SPECC1L: variants seen among roughly 807,000 people sequenced by gnomAD.
SPECC1L encodes the protein sperm antigen with calponin homology and coiled-coil domains 1 like, also known as cytospin-A.
SPECC1L carries 40 observed loss-of-function variants against 116.8 expected under a neutral mutation model. The observed-to-expected ratio is 0.34, with a 90% CI of 0.27 to 0.45. SPECC1L has a LOEUF of 0.45. Among genes scored for constraint, SPECC1L ranks in the 20% least tolerant of loss-of-function variants. The pLI, the probability that SPECC1L is intolerant of heterozygous loss-of-function variation, is 1.00. For missense variants in SPECC1L, 1,110 were observed against 1,373.6 expected (o/e 0.81, Z 3.03); for synonymous variants, 504 against 500.6 (o/e 1.01, Z -0.09).
rs1601550558 is a variant in SPECC1L, at chr22:24,321,140, A to T, written c.308-148A>T. ...CTGGTTTTGAAGAAATTGAACTTTA[A>T]CAGACTCTAAGGCAAGATTATTGTA... On this transcript the variant is annotated intron_variant, in intron 4 of 16. Transcript: ENST00000314328. 18 of 881,392 alleles carry T rather than the reference A, an allele frequency of 2.0e-5. No homozygotes were observed. In the East Asian group the frequency reaches 3.9e-4, roughly 19 times the overall value. The allele number at this position is 881,392 out of a possible 1,614,324, so 54.6% of individuals were successfully genotyped here.
intron 11 of SPECC1L, among the ~76,000 whole-genome samples, chr22:24,360,342 C>T (rs1296419375): frequency 6.6e-6 from 1 of 152,204 alleles, no homozygotes; most frequent in African/African-American, 2.4e-5. Context: ...ATGGCAGCAG[C>T]CTGGATTGTG....
intron 10 of SPECC1L, among the ~76,000 whole-genome samples, chr22:24,344,592 CAAA>C (rs35725042): frequency 0.012 from 1,451 of 117,918 alleles, 8 homozygotes; most frequent in South Asian, 0.014. Flanking sequence ...TGCATAAGAC[CAAA>C]AAAAAAAAAA....
At chr22:24,349,342 T>C (rs919400775) in intron 11 of SPECC1L, among the ~76,000 whole-genome samples, 9 of 152,212 alleles carry the variant, frequency 5.9e-5, no homozygotes, top group Admixed American at 3.3e-4. Context: ...GCACCCGGCC[T>C]GGCTTTTCTC....
rs940360574 is a variant in SPECC1L, at chr22:24,321,570, T to C, written c.590T>C (p.Val197Ala). ...DLLTLAKTKD[V>A]EILHLRNELR... ...CTCACGCTGGCAAAAACCAAAGACG[T>C]AGAAATTTTACATTTGAGAAATGAA... The change falls in exon 5 of 17, where the codon GTA becomes GCA. Residue 197 changes from valine to alanine, a missense_variant. Val to Ala is a moderately conservative substitution (Grantham distance 64). This residue lies in a region of SPECC1L where 437 missense variants were observed against 482.6 expected (regional missense o/e 0.91). Transcript: ENST00000314328. 4.3e-6 allele frequency: 7 copies of C among 1,614,186 alleles called. No homozygotes were observed. The highest frequency in any genetic ancestry group is 1.3e-5 in the African/African-American group (1 of 75,054).
chr22:24,301,060 A>C (rs2049367279), intron 2 of SPECC1L, among the ~76,000 whole-genome samples: 1 of 152,208 alleles, frequency 6.6e-6, no homozygotes, highest in Admixed American at 6.5e-5. Context: ...GCATGGGCAA[A>C]GACTTCCATG....
At chr22:24,277,949 T>C (rs2048869182) in intron 2 of SPECC1L, among the ~76,000 whole-genome samples, 1 of 152,274 alleles carries the variant, frequency 6.6e-6, no homozygotes, top group Non-Finnish European at 1.5e-5. Flanking sequence ...TTAAACACTT[T>C]GAGAAACTGC....
chr22:24,342,979 G>GC (rs2041210121), intron 10 of SPECC1L, among the ~76,000 whole-genome samples: 6 of 152,210 alleles, frequency 3.9e-5, no homozygotes, highest in Admixed American at 3.3e-4. Context: ...GATCACCTGA[G>GC]CTCAGGAGTT....
chr22:24,327,579 A>G (rs912961096), intron 6 of SPECC1L, among the ~76,000 whole-genome samples: 1 of 152,178 alleles, frequency 6.6e-6, no homozygotes, highest in Admixed American at 6.5e-5. Flanking sequence ...TTATTTACCC[A>G]GAAACACTAA....
At chr22:24,371,038 C>A (rs1386419024) in intron 14 of SPECC1L, among the ~76,000 whole-genome samples, 3 of 152,018 alleles carry the variant, frequency 2.0e-5, no homozygotes, top group Middle Eastern at 3.4e-3. Context: ...TGCCACTGAA[C>A]CGTATAATTA....
At chr22:24,307,239 G>A (rs1388696289) in intron 3 of SPECC1L, among the ~76,000 whole-genome samples, 9 of 152,154 alleles carry the variant, frequency 5.9e-5, no homozygotes, top group Non-Finnish European at 1.0e-4. Context: ...ATTGTTTCTC[G>A]CTGCTAGCAG....
At position 24,291,532 on chromosome 22, in the gene SPECC1L, T is replaced by G. The variant is rs182204672; in HGVS notation, c.-37-10663T>G. Among the ~76,000 whole-genome samples, 298 of 152,364 alleles carry G rather than the reference T, an allele frequency of 2.0e-3. 1 individual carries two copies. The highest frequency in any genetic ancestry group is 7.0e-3 in the African/African-American group (291 of 41,586). ...ATAAGTAGTAGGTAAAAACAATCTT[T>G]AGTCATTCCTTATAAAGGGTTTCTT... On this transcript the variant is annotated intron_variant, in intron 2 of 16. Coordinates refer to ENST00000314328, the MANE Select transcript of SPECC1L (RefSeq NM_015330.6).
At position 24,365,617 on chromosome 22, in the gene SPECC1L, C is replaced by T. The variant is rs1320390004; in HGVS notation, c.2969C>T (p.Thr990Ile). ...SSPTASVTPTTRSRIREERKD... is the reference protein window; with the variant it reads ...SSPTASVTPTIRSRIREERKD... ...CCAACGGCATCTGTGACTCCCACCA[C>T]CCGAAGCCGAATAAGGTAGAGAACA... is the stretch of plus-strand genomic sequence containing the variant. Residue 990 changes from threonine (T) to isoleucine (I), a missense_variant, in exon 13 of 17, where the codon ACC (threonine) becomes ATC (isoleucine). Thr to Ile is a moderately conservative substitution (Grantham distance 89). Around this residue, in one of 4 missense-constraint regions of SPECC1L, gnomAD observed 575 missense variants for 682.4 expected, o/e 0.84. Transcript: ENST00000314328. 1.2e-6 allele frequency: 2 copies of T among 1,614,062 alleles called. No homozygotes were observed. The highest frequency in any genetic ancestry group is 1.7e-6 in the Non-Finnish European group (2 of 1,180,046).
Position 24,390,871 on chromosome 22 carries a change from TC to T in SPECC1L, c.3088-20716del, listed in dbSNP as rs1318748553. On this transcript the variant is annotated intron_variant, in intron 14 of 16. Coordinates refer to ENST00000314328, the MANE Select transcript of SPECC1L (RefSeq NM_015330.6). ...GTGTTCCTTTTTTTTTTTTTTCTTT[TC>T]TTTTTTTTTTTTTTTTTTTTTTTTT... is the stretch of plus-strand genomic sequence containing the variant. 9.7e-3 allele frequency among the ~76,000 whole-genome samples: 1,136 copies of T among 117,452 alleles called. 29 individuals carry two copies. The highest frequency in any genetic ancestry group is 0.012 in the Non-Finnish European group (688 of 58,604). The allele number at this position is 117,452 out of a possible 152,430, so 77.1% of individuals were successfully genotyped here. A position where few individuals can be genotyped will look rare whatever the true frequency, so the allele number is the denominator to read the frequency against.
intron 3 of SPECC1L, 126 bp from the exon 4 acceptor site, chr22:24,313,187 A>G (rs2040494532): frequency 1.1e-6 from 1 of 896,848 alleles, no homozygotes. Flanking sequence ...GCTGCTTACT[A>G]CCTGTCAGAT....
chr22:24,401,945 A>G (rs1319400629), intron 14 of SPECC1L, among the ~76,000 whole-genome samples: 1 of 152,160 alleles, frequency 6.6e-6, no homozygotes, highest in Non-Finnish European at 1.5e-5. Context: ...AAAGACATGC[A>G]GGGCTTATCT....
intron 6 of SPECC1L, 145 bp downstream of exon 6, chr22:24,324,572 T>A: frequency 6.8e-6 from 5 of 731,456 alleles, no homozygotes; most frequent in Non-Finnish European, 1.2e-5. Flanking sequence ...CGAACCAGGC[T>A]GGGCACAGTG....
At chr22:24,280,658 G>A (rs1398293209) in intron 2 of SPECC1L, among the ~76,000 whole-genome samples, 1 of 146,656 alleles carries the variant, frequency 6.8e-6, no homozygotes, top group South Asian at 2.1e-4. Flanking sequence ...GCTTATTACA[G>A]CCCTGACTTC....
Position 24,317,726 on chromosome 22 carries a change from G to A in SPECC1L, c.308-3562G>A, listed in dbSNP as rs868072119. On this transcript the variant is annotated intron_variant, in intron 4 of 16. Transcript: ENST00000314328. ...CAGAGATGCTCCTCACTTCCCAGAC[G>A]GGGTGGCTGCCGGGCGGAGGGGCTC... 3.1e-3 allele frequency among the ~76,000 whole-genome samples: 464 copies of A among 151,710 alleles called. 1 individual carries two copies. Among genetic ancestry groups the A allele is most frequent in the Middle Eastern group, 6.8e-3 (2 of 292 alleles).
At chr22:24,380,540 A>G (rs2042046057) in intron 14 of SPECC1L, among the ~76,000 whole-genome samples, 1 of 152,214 alleles carries the variant, frequency 6.6e-6, no homozygotes, top group Admixed American at 6.5e-5. Flanking sequence ...TAACTCTCTT[A>G]AGAGTCACCC....
Sources: gnomAD v4.1 joint callset for allele counts (sites outside exome capture counted in the v4.1 genomes callset) on GRCh38, gnomAD v4.1.1 for gene constraint, gnomAD v4.1.1 regional missense constraint, MANE v1.5 for transcripts, NCBI Gene and HGNC (gene_info 2026-07-23, HGNC 2026-07-21) for gene names.